The following NCOA2 variants were observed in gnomAD, a reference collection of about 807,000 sequenced individuals.
The protein encoded by NCOA2 is nuclear receptor coactivator 2, also known as class E basic helix-loop-helix protein 75.
NCOA2 carries 21 observed loss-of-function variants against 145.1 expected under a neutral mutation model. The observed-to-expected ratio is 0.14, with a 90% CI of 0.10 to 0.21. The LOEUF (loss-of-function observed/expected upper bound fraction) is 0.21. Among genes scored for constraint, NCOA2 ranks in the 10% least tolerant of loss-of-function variants. NCOA2 has a pLI of 1.00. For missense variants in NCOA2, 1,472 were observed against 1,837.6 expected, an observed-to-expected ratio of 0.80 and a Z score of 3.64; for synonymous variants, 619 against 637.5, an observed-to-expected ratio of 0.97 and a Z score of 0.44.
chr8:70,331,139 A>G (rs937849291), intron 1 of NCOA2, among the ~76,000 whole-genome samples: 1 of 152,180 alleles, frequency 6.6e-6, no homozygotes, highest in Non-Finnish European at 1.5e-5. Context: ...ATATATAGCA[A>G]ATGTATGATA....
chr8:70,278,487 G>C (rs1430259508), intron 2 of NCOA2, among the ~76,000 whole-genome samples: 1 of 152,152 alleles, frequency 6.6e-6, no homozygotes, highest in Non-Finnish European at 1.5e-5. Flanking sequence ...TCTTTTGTAA[G>C]ACCTGGGGTG....
chr8:70,422,731 A>G, the NCOA2 span, among the ~76,000 whole-genome samples: 1 of 151,848 alleles, frequency 6.6e-6, no homozygotes, highest in Non-Finnish European at 1.5e-5. Context: ...AAAGTTCATG[A>G]GCTTTTTATT....
chr8:70,405,409 GACT>G (rs892129160), upstream of NCOA2, among the ~76,000 whole-genome samples: 7 of 102,738 alleles, frequency 6.8e-5, no homozygotes, highest in Admixed American at 1.1e-4. Context: ...TGTTTGCATT[GACT>G]ATGTATTAAT....
intron 1 of NCOA2, among the ~76,000 whole-genome samples, chr8:70,400,169 A>G (rs1213712345): frequency 6.6e-6 from 1 of 152,228 alleles, no homozygotes; most frequent in Non-Finnish European, 1.5e-5. Flanking sequence ...GTTAAAATCC[A>G]AAACATATTA....
intron 1 of NCOA2, among the ~76,000 whole-genome samples, chr8:70,377,367 T>C (rs1811774177): frequency 6.6e-6 from 1 of 151,982 alleles, no homozygotes; most frequent in Non-Finnish European, 1.5e-5. Context: ...CTCAAAATAA[T>C]TAGAAAAGGA....
In NCOA2 at chr8:70,216,677, A is replaced by G. The variant is rs538847785; in HGVS notation, c.69T>C (p.Pro23=). The G allele has an allele frequency of 3.7e-6, 6 of 1,613,532 alleles. No individual in the cohort carries two copies. In the Admixed American group the frequency reaches 5.0e-5, roughly 13 times the overall value. ...AATCTAACCTGGGTCCAAGTTGGTC[A>G]GGACATTCCTTGCGCTTTCTTGTCT... ...RAETRKRKEC[P]DQLGPSPKRN... Residue 23 remains proline (P), a synonymous_variant, in exon 3 of 23, where the codon CCT becomes CCC. Coordinates refer to ENST00000452400, the MANE Select transcript of NCOA2 (RefSeq NM_006540.4).
At chr8:70,367,168 T>C (rs1810779708) in intron 1 of NCOA2, among the ~76,000 whole-genome samples, 1 of 152,226 alleles carries the variant, frequency 6.6e-6, no homozygotes, top group Non-Finnish European at 1.5e-5. Flanking sequence ...AAGTTACTAG[T>C]AGCCCAGATT....
At chr8:70,200,287 C>G (rs1817750730) in intron 4 of NCOA2, among the ~76,000 whole-genome samples, 1 of 152,126 alleles carries the variant, frequency 6.6e-6, no homozygotes. Context: ...GTATGTACCT[C>G]TGTTAGAATG....
chr8:70,236,047 T>C (rs2926717), intron 2 of NCOA2, among the ~76,000 whole-genome samples: 120,339 of 151,978 alleles, frequency 0.79, 48,924 homozygotes, highest in Non-Finnish European at 0.88. Context: ...AACACATCCA[T>C]TTTTATTCCC....
At chr8:70,368,524 A>G (rs1270681100) in intron 1 of NCOA2, among the ~76,000 whole-genome samples, 1 of 152,218 alleles carries the variant, frequency 6.6e-6, no homozygotes, top group Non-Finnish European at 1.5e-5. Flanking sequence ...TCAAGTCAAA[A>G]TCTGCTACTG....
At chr8:70,446,706 T>A in the NCOA2 span, among the ~76,000 whole-genome samples, 4 of 152,314 alleles carry the variant, frequency 2.6e-5, no homozygotes, top group Non-Finnish European at 2.9e-5. Flanking sequence ...TTCCATCTGA[T>A]GGGAGAGTCC....
intron 2 of NCOA2, among the ~76,000 whole-genome samples, chr8:70,229,697 C>T (rs1820970395): frequency 6.6e-6 from 1 of 152,040 alleles, no homozygotes; most frequent in African/African-American, 2.4e-5. Flanking sequence ...CCAGCACGAC[C>T]CCAGAACCAT....
intron 1 of NCOA2, among the ~76,000 whole-genome samples, chr8:70,348,225 G>C (rs10504474): frequency 1.3e-5 from 2 of 152,246 alleles, no homozygotes; most frequent in Admixed American, 1.3e-4. Flanking sequence ...AACAGGCAGA[G>C]ATAAGGGAAA....
the NCOA2 span, among the ~76,000 whole-genome samples, chr8:70,412,970 C>T: frequency 5.9e-5 from 9 of 151,660 alleles, no homozygotes; most frequent in African/African-American, 2.2e-4. Context: ...TGGTGGTGCA[C>T]ACCTGTAATC....
In NCOA2 at chr8:70,349,707, A is replaced by C. The variant is rs531894585; in HGVS notation, c.-76-52907T>G. ...TGAAGATCTTCATGTCATTTTTTCAAATAGGAAAAAATATGTTCTAAATAT... is the reference window on the plus strand; with the variant it reads ...TGAAGATCTTCATGTCATTTTTTCACATAGGAAAAAATATGTTCTAAATAT... On this transcript the variant is annotated intron_variant, in intron 1 of 22. Coordinates refer to ENST00000452400, the MANE Select transcript of NCOA2 (RefSeq NM_006540.4). Among the ~76,000 whole-genome samples, 18 of 152,198 alleles carry C rather than the reference A, an allele frequency of 1.2e-4. No individual in the cohort carries two copies. The South Asian group carries it at 3.5e-3, about 30-fold the overall frequency.
At chr8:70,318,695 G>A (rs1292111895) in intron 1 of NCOA2, among the ~76,000 whole-genome samples, 2 of 152,140 alleles carry the variant, frequency 1.3e-5, no homozygotes, top group East Asian at 1.9e-4. Flanking sequence ...AGCCCAGGAG[G>A]TTGAGGCTGC....
In NCOA2 at chr8:70,321,793, C is replaced by CTTTTTTTTTTTTTTTTTTTTTTTT. The variant is rs559680322; in HGVS notation, c.-76-25017_-76-24994dup. ...TGCTTTCCTAAGTTTCAGAATATAC[C>CTTTTTTTTTTTTTTTTTTTTTTTT]TTTTTTTTTTTTTTTTTTTTTTTTT... On this transcript the variant is annotated intron_variant, in intron 1 of 22. Transcript: ENST00000452400. Among the ~76,000 whole-genome samples, 6 of 73,568 alleles carry CTTTTTTTTTTTTTTTTTTTTTTTT rather than the reference C, an allele frequency of 8.2e-5. 1 individual carries two copies. The highest frequency in any genetic ancestry group is 1.5e-4 in the Non-Finnish European group (6 of 40,664). 48.3% of individuals were successfully genotyped at this position (73,568 alleles called of 152,430 possible).
intron 1 of NCOA2, among the ~76,000 whole-genome samples, chr8:70,309,716 C>A (rs1324505931): frequency 1.3e-5 from 2 of 151,816 alleles, no homozygotes; most frequent in Non-Finnish European, 2.9e-5. Flanking sequence ...TTTGGGAGGT[C>A]GACATGGGAG....
intron 4 of NCOA2, among the ~76,000 whole-genome samples, chr8:70,196,059 C>G (rs1817272855): frequency 6.6e-6 from 1 of 152,168 alleles, no homozygotes; most frequent in Non-Finnish European, 1.5e-5. Flanking sequence ...GAGGAATTCT[C>G]GCATCTGGAG....
Sources: gnomAD v4.1 joint callset for allele counts (sites outside exome capture counted in the v4.1 genomes callset) on GRCh38, gnomAD v4.1.1 for gene constraint, MANE v1.5 for transcripts, NCBI Gene and HGNC (gene_info 2026-07-23, HGNC 2026-07-21) for gene names.